Variants in CCSER2 observed in about 807,000 individuals in gnomAD.
CCSER2 encodes serine-rich coiled-coil domain-containing protein 2.
A neutral mutation model predicts 92.3 loss-of-function variants in CCSER2; 46 were observed. That is an observed-to-expected ratio of 0.50 (90% CI 0.39 to 0.64). The LOEUF (loss-of-function observed/expected upper bound fraction) is 0.64, where lower values mean the gene tolerates loss of function less well. Ranked by LOEUF, CCSER2 falls within the 30% of genes least tolerant of loss-of-function variation. The probability of loss-of-function intolerance (pLI) is 0.00; values close to 1 mark genes in which losing one functional copy is unlikely to be tolerated. For missense variants in CCSER2, 1,244 were observed against 1,238.9 expected (o/e 1.00, Z -0.06); for synonymous variants, 433 against 431.4 (o/e 1.00, Z -0.04).
chr10:84,416,170 T>C (rs973831689), intron 3 of CCSER2, among the ~76,000 whole-genome samples: 1 of 152,206 alleles, frequency 6.6e-6, no homozygotes, highest in African/African-American at 2.4e-5. Flanking sequence ...CACTCACCAC[T>C]TCTCTTGGCA....
intron 1 of CCSER2, 108 bp downstream of exon 1, chr10:84,328,916 G>A (rs1244030451): frequency 1.3e-5 from 2 of 151,984 alleles, no homozygotes; most frequent in Admixed American, 1.3e-4. Flanking sequence ...CCGAACTCCC[G>A]GGCTGAGGCG....
intron 9 of CCSER2, among the ~76,000 whole-genome samples, chr10:84,506,571 A>T (rs567495679): frequency 6.6e-6 from 1 of 152,264 alleles, no homozygotes; most frequent in Non-Finnish European, 1.5e-5. Flanking sequence ...AGGTGGGTGG[A>T]TCACAAAGTC....
chr10:84,434,828 G>T (rs1425749502), intron 5 of CCSER2, among the ~76,000 whole-genome samples: 1 of 152,110 alleles, frequency 6.6e-6, no homozygotes, highest in Non-Finnish European at 1.5e-5. Flanking sequence ...GAGGGATTTG[G>T]TAACTTGCCC....
intron 8 of CCSER2, among the ~76,000 whole-genome samples, chr10:84,472,090 A>C (rs1846841787): frequency 6.6e-6 from 1 of 152,180 alleles, no homozygotes; most frequent in African/African-American, 2.4e-5. Context: ...AAATAAGGAA[A>C]ACTTAAAAAC....
intron 1 of CCSER2, among the ~76,000 whole-genome samples, chr10:84,363,650 A>G (rs1319058409): frequency 6.6e-6 from 1 of 152,204 alleles, no homozygotes; most frequent in Admixed American, 6.5e-5. Flanking sequence ...TGGATATGAA[A>G]GGAGTTTGAA....
At chr10:84,502,634 G>A (rs1416683921) in intron 9 of CCSER2, among the ~76,000 whole-genome samples, 1 of 152,012 alleles carries the variant, frequency 6.6e-6, no homozygotes, top group East Asian at 1.9e-4. Context: ...GCCTCCCAAA[G>A]TGCTGGGATT....
chr10:84,440,359 T>C (rs905735318), intron 6 of CCSER2, among the ~76,000 whole-genome samples: 5 of 152,200 alleles, frequency 3.3e-5, no homozygotes, highest in African/African-American at 9.6e-5. Context: ...CAAATGCTAA[T>C]AGAAGTTAAA....
At chr10:84,444,944 A>G (rs1844817217) in intron 6 of CCSER2, among the ~76,000 whole-genome samples, 1 of 152,140 alleles carries the variant, frequency 6.6e-6, no homozygotes, top group African/African-American at 2.4e-5. Flanking sequence ...TGGTCAGAAA[A>G]CTAAGACTGA....
At chr10:84,487,701 C>G (rs1847892459) in intron 9 of CCSER2, among the ~76,000 whole-genome samples, 1 of 152,184 alleles carries the variant, frequency 6.6e-6, no homozygotes, top group East Asian at 1.9e-4. Context: ...GACAATTTGA[C>G]TTCCTCTTTT....
rs59254139 is a variant in CCSER2, at chr10:84,465,239, TTGTGTGTGTGTGTGTGTGTGTGTG to T, written c.2148+1252_2148+1275del. 1.6e-3 allele frequency among the ~76,000 whole-genome samples: 174 copies of T among 106,860 alleles called. 4 individuals carry two copies. The highest frequency in any genetic ancestry group is 4.7e-3 in the African/African-American group (145 of 31,086). The allele number at this position is 106,860 out of a possible 152,430, so 70.1% of individuals were successfully genotyped here. A position where few individuals can be genotyped will look rare whatever the true frequency, so the allele number is the denominator to read the frequency against. The stretch of plus-strand genomic sequence containing the variant: ...AGCAAAGTTGACCTCTTTCCTGAAT[TTGTGTGTGTGTGTGTGTGTGTGTG>T]TGTGTGTGTGTGTGTGTGTGTGTGT... On this transcript the variant is annotated intron_variant, in intron 7 of 9. Transcript: ENST00000372088.
intron 9 of CCSER2, among the ~76,000 whole-genome samples, chr10:84,511,856 AT>A (rs1849364737): frequency 6.6e-6 from 1 of 152,148 alleles, no homozygotes; most frequent in African/African-American, 2.4e-5. Context: ...CAGTTCATTC[AT>A]TTTTGTGTTG....
chr10:84,432,267 T>C (rs1288470454), intron 5 of CCSER2, among the ~76,000 whole-genome samples: 1 of 152,224 alleles, frequency 6.6e-6, no homozygotes, highest in Non-Finnish European at 1.5e-5. Flanking sequence ...ACTTTTACTT[T>C]AGATTCAGTG....
chr10:84,401,317 G>A (rs1468773481), intron 3 of CCSER2, among the ~76,000 whole-genome samples: 1 of 152,118 alleles, frequency 6.6e-6, no homozygotes, highest in African/African-American at 2.4e-5. Flanking sequence ...TAGCAAGACT[G>A]ACAAAGGCAT....
At chr10:84,427,171 C>T (rs913051404) in intron 5 of CCSER2, among the ~76,000 whole-genome samples, 2 of 152,152 alleles carry the variant, frequency 1.3e-5, no homozygotes, top group Admixed American at 1.3e-4. Flanking sequence ...GAAAAATGCA[C>T]AGCATTCTTA....
chr10:84,421,233 G>A (rs1407383409), intron 4 of CCSER2, among the ~76,000 whole-genome samples: 1 of 152,192 alleles, frequency 6.6e-6, no homozygotes, highest in Admixed American at 6.5e-5. Context: ...AATGTTTTCT[G>A]GACTTTCGTG....
Position 84,371,439 on chromosome 10 carries a change from T to C in CCSER2, c.387T>C (p.Thr129=). The C allele has an allele frequency of 6.2e-7, 1 of 1,613,740 alleles. No individual in the cohort carries two copies. The highest frequency in any genetic ancestry group is 8.5e-7 in the Non-Finnish European group (1 of 1,179,846). Reference sequence around the variant, plus strand: ...CATCAAAGTTAGCAAAGCCATCCACTATGTTTGTGTCATCTACAGAGGAGT... The same window carrying C: ...CATCAAAGTTAGCAAAGCCATCCACCATGTTTGTGTCATCTACAGAGGAGT... ...LFTSKLAKPS[T]MFVSSTEELN... The change falls in exon 2 of 10, where the codon ACT becomes ACC. Residue 129 remains threonine (T), a synonymous_variant. Coordinates refer to ENST00000372088, the MANE Select transcript of CCSER2 (RefSeq NM_001284240.2).
intron 5 of CCSER2, among the ~76,000 whole-genome samples, chr10:84,433,436 C>T (rs900027081): frequency 2.7e-5 from 4 of 150,470 alleles, no homozygotes; most frequent in Non-Finnish European, 5.9e-5. Flanking sequence ...CACACACATA[C>T]ACACACACAC....
chr10:84,392,606 T>C (rs1308552569), intron 3 of CCSER2, among the ~76,000 whole-genome samples: 2 of 152,106 alleles, frequency 1.3e-5, no homozygotes, highest in East Asian at 3.9e-4. Context: ...AGAACTAATA[T>C]AGTTAAAATC....
chr10:84,453,587 T>C (rs992429217), intron 6 of CCSER2, among the ~76,000 whole-genome samples: 2 of 152,250 alleles, frequency 1.3e-5, no homozygotes, highest in Non-Finnish European at 2.9e-5. Context: ...GCAGTATGTC[T>C]ATTATATCAG....
Sources: allele counts gnomAD v4.1 joint callset (sites outside exome capture counted in the v4.1 genomes callset), GRCh38; gene constraint gnomAD v4.1.1; transcripts MANE v1.5; gene names NCBI Gene and HGNC (gene_info 2026-07-23, HGNC 2026-07-21).